CNTN5: variants seen among roughly 807,000 people sequenced by gnomAD.
CNTN5 encodes contactin-5.
CNTN5 carries 77 observed loss-of-function variants against 129.1 expected under a neutral mutation model. That is an observed-to-expected ratio of 0.60 (90% CI 0.50 to 0.72). CNTN5 has a LOEUF of 0.72. CNTN5 is among the 30% of genes least tolerant of loss of function. The pLI is 0.00. For missense variants in CNTN5, 1,478 were observed against 1,328.8 expected (o/e 1.11, Z -1.75); for synonymous variants, 509 against 465.6 (o/e 1.09, Z -1.20).
intron 1 of CNTN5, among the ~76,000 whole-genome samples, chr11:99,321,895 AATGT>A (rs1865586943): frequency 6.6e-6 from 1 of 152,088 alleles, no homozygotes; most frequent in Non-Finnish European, 1.5e-5. Flanking sequence ...CCACATTGTT[AATGT>A]GTCAGTGTGC....
chr11:99,619,534 CTTGA>C (rs1270002518), intron 3 of CNTN5, among the ~76,000 whole-genome samples: 4 of 151,934 alleles, frequency 2.6e-5, no homozygotes, highest in African/African-American at 9.7e-5. Flanking sequence ...TGAAGTTCTG[CTTGA>C]TTGTGATTTT....
chr11:99,985,242 C>A (rs1938604709), intron 8 of CNTN5, among the ~76,000 whole-genome samples: 1 of 152,098 alleles, frequency 6.6e-6, no homozygotes, highest in Non-Finnish European at 1.5e-5. Context: ...AGAATAAGGT[C>A]ACACAGACAC....
chr11:99,409,653 C>G (rs1287376187), intron 2 of CNTN5, among the ~76,000 whole-genome samples: 3 of 152,062 alleles, frequency 2.0e-5, no homozygotes, highest in Non-Finnish European at 4.4e-5. Flanking sequence ...ATATGCAAGA[C>G]TGGGTAAAAC....
intron 6 of CNTN5, among the ~76,000 whole-genome samples, chr11:99,874,073 G>A (rs1356148341): frequency 6.6e-6 from 1 of 152,062 alleles, no homozygotes; most frequent in Non-Finnish European, 1.5e-5. Context: ...GAGGGAGGAA[G>A]GAATGGGGAT....
intron 1 of CNTN5, among the ~76,000 whole-genome samples, chr11:99,079,954 C>T (rs1865724157): frequency 2.0e-5 from 3 of 152,166 alleles, no homozygotes; most frequent in Admixed American, 6.5e-5. Flanking sequence ...TCTGTTTTCT[C>T]TTCTATCCTT....
At chr11:100,162,410 A>T (rs1947486762) in intron 13 of CNTN5, among the ~76,000 whole-genome samples, 1 of 151,968 alleles carries the variant, frequency 6.6e-6, no homozygotes, top group Non-Finnish European at 1.5e-5. Flanking sequence ...ATTTGAGAAT[A>T]ACAAATTATT....
intron 10 of CNTN5, among the ~76,000 whole-genome samples, chr11:100,067,910 A>G (rs1943758484): frequency 6.6e-6 from 1 of 152,100 alleles, no homozygotes; most frequent in African/African-American, 2.4e-5. Context: ...TTTGATTCCT[A>G]TGAAAAATTT....
chr11:100,256,243 T>A (rs1253162259), intron 17 of CNTN5, among the ~76,000 whole-genome samples: 1 of 152,138 alleles, frequency 6.6e-6, no homozygotes, highest in East Asian at 1.9e-4. Context: ...AAATCTTACA[T>A]AACCATAGTA....
chr11:99,634,935 T>G (rs1951497149), intron 3 of CNTN5, among the ~76,000 whole-genome samples: 1 of 152,150 alleles, frequency 6.6e-6, no homozygotes, highest in African/African-American at 2.4e-5. Context: ...CCGGTGTAAT[T>G]AACGTAAGGT....
Position 100,282,070 on chromosome 11 carries a change from G to A in CNTN5, c.2314+10829G>A, listed in dbSNP as rs975772213. On this transcript the variant is annotated intron_variant, in intron 18 of 24. Coordinates refer to ENST00000524871, the MANE Select transcript of CNTN5 (RefSeq NM_014361.4). ...TCTGTCTGAAAGGTCACATATCTCC[G>A]TTTCTCCAGGATTGGTCCCCGGTGG... 4.9e-5 allele frequency among the ~76,000 whole-genome samples: 7 copies of A among 142,110 alleles called. No homozygotes were observed. In the South Asian group the frequency reaches 6.6e-4, roughly 13 times the overall value. The allele number at this position is 142,110 out of a possible 152,430, so 93.2% of individuals were successfully genotyped here.
At chr11:99,278,398 T>G (rs932012819) in intron 1 of CNTN5, among the ~76,000 whole-genome samples, 1 of 151,590 alleles carries the variant, frequency 6.6e-6, no homozygotes, top group African/African-American at 2.4e-5. Context: ...AGAATTCAAG[T>G]TTTTTCTCAC....
intron 1 of CNTN5, among the ~76,000 whole-genome samples, chr11:99,105,215 A>G (rs569944294): frequency 6.6e-6 from 1 of 152,174 alleles, no homozygotes; most frequent in African/African-American, 2.4e-5. Flanking sequence ...TTGTGTAGAT[A>G]ACTGAGATAA....
chr11:99,607,425 C>T (rs1167844374), intron 3 of CNTN5, among the ~76,000 whole-genome samples: 4 of 142,628 alleles, frequency 2.8e-5, no homozygotes, highest in Non-Finnish European at 4.6e-5. Context: ...GTTAGAATGG[C>T]AATCATTAAA....
At chr11:99,094,724 G>A (rs1021980175) in intron 1 of CNTN5, among the ~76,000 whole-genome samples, 1 of 151,866 alleles carries the variant, frequency 6.6e-6, no homozygotes, top group East Asian at 1.9e-4. Context: ...AGAAAGTCCG[G>A]GGTAGGTGGT....
chr11:99,722,494 G>A (rs1262429540), intron 3 of CNTN5, among the ~76,000 whole-genome samples: 1 of 152,024 alleles, frequency 6.6e-6, no homozygotes, highest in Non-Finnish European at 1.5e-5. Context: ...AGGGTGAAAG[G>A]AGGGAGAGGA....
chr11:99,751,917 T>C (rs752472971), intron 3 of CNTN5, among the ~76,000 whole-genome samples: 1 of 152,222 alleles, frequency 6.6e-6, no homozygotes, highest in African/African-American at 2.4e-5. Context: ...CTGCTGTCCC[T>C]GCTGCCATGT....
chr11:99,789,937 T>G (rs1342657944), intron 3 of CNTN5, among the ~76,000 whole-genome samples: 1 of 152,032 alleles, frequency 6.6e-6, no homozygotes, highest in South Asian at 2.1e-4. Context: ...CCTGCTTCTC[T>G]CCTTTAGTAA....
intron 2 of CNTN5, among the ~76,000 whole-genome samples, chr11:99,526,295 C>T (rs747538152): frequency 6.6e-6 from 1 of 152,142 alleles, no homozygotes; most frequent in Admixed American, 6.5e-5. Flanking sequence ...TATACACCTG[C>T]GTGTGGGGAA....
At chr11:99,893,627 G>C (rs565634090) in intron 6 of CNTN5, among the ~76,000 whole-genome samples, 52 of 152,140 alleles carry the variant, frequency 3.4e-4, no homozygotes, top group African/African-American at 1.2e-3. Context: ...GTAGTGAGTT[G>C]TGGGCAAAGA....
Sources: gnomAD v4.1 joint callset for allele counts (sites outside exome capture counted in the v4.1 genomes callset) on GRCh38, gnomAD v4.1.1 for gene constraint, MANE v1.5 for transcripts, NCBI Gene and HGNC (gene_info 2026-07-23, HGNC 2026-07-21) for gene names.